VWA7: variants seen among roughly 807,000 people sequenced by gnomAD.
VWA7 encodes von Willebrand factor A domain-containing protein 7.
A neutral mutation model predicts 83.1 loss-of-function variants in VWA7; 66 were observed. The ratio of observed to expected loss-of-function variants is 0.79; its 90% confidence interval spans 0.65 to 0.98. The LOEUF is 0.98. Among genes scored for constraint, VWA7 ranks in the 50% least tolerant of loss-of-function variants. The probability of loss-of-function intolerance (pLI) is 0.00; values close to 1 mark genes in which losing one functional copy is unlikely to be tolerated. For synonymous variants in VWA7, 424 were observed against 488.5 expected (o/e 0.87, Z 1.74); for missense variants, 1,080 against 1,160.2 (o/e 0.93, Z 1.00).
intron 10 of VWA7, 97 bp downstream of exon 10, chr6:31,768,921 A>G (rs1811894515): frequency 7.6e-7 from 1 of 1,317,924 alleles, no homozygotes; most frequent in African/African-American, 1.5e-5. Flanking sequence ...TGGAAGAACA[A>G]CACAGCAGTG....
At chr6:31,771,377 G>A (rs1239882798) in intron 7 of VWA7, 5 of 152,316 alleles carry the variant, frequency 3.3e-5, no homozygotes, top group Non-Finnish European at 7.3e-5. Flanking sequence ...CATATCCCCT[G>A]TGACTGGCAC....
At position 31,773,897 on chromosome 6, in the gene VWA7, G is replaced by C. The variant is rs1812443315; in HGVS notation, c.722-460C>G. On this transcript the variant is annotated intron_variant, in intron 5 of 16. Coordinates refer to ENST00000375688, the MANE Select transcript of VWA7 (RefSeq NM_025258.3). This position sits in a 1 kb window ranked among gnomAD's most constrained non-coding sequence, Gnocchi z 5.3. ...TGGCTGGGCACGGTGGCTCACACCAGTAATCCCAGCATTTTGGGAGGCTGA... is the reference window on the plus strand; with the variant it reads ...TGGCTGGGCACGGTGGCTCACACCACTAATCCCAGCATTTTGGGAGGCTGA... Among the ~76,000 whole-genome samples, 1 of 152,068 alleles carries C rather than the reference G, an allele frequency of 6.6e-6. No homozygotes were observed. The highest frequency in any genetic ancestry group is 1.5e-5 in the Non-Finnish European group (1 of 67,988).
At position 31,769,954 on chromosome 6, in the gene VWA7, C is replaced by T. The variant is rs1451502833; in HGVS notation, c.1200+47G>A. On this transcript the variant is annotated intron_variant, in intron 8 of 16. Transcript: ENST00000375688. The surrounding 1 kb of genome is among the most constrained non-coding windows in gnomAD (Gnocchi z 4.5). ...GGGAGCCCCAGGAGGGATCTAGCTC[C>T]CCCTGGTGGTGGGGCCAGGAAACGG... 1 of 1,585,628 alleles carries T rather than the reference C, an allele frequency of 6.3e-7. No homozygotes were observed. The highest frequency in any genetic ancestry group is 8.6e-7 in the Non-Finnish European group (1 of 1,156,088).
Position 31,775,934 on chromosome 6 carries a change from C to G in VWA7, c.513+30G>C. 1 of 1,585,108 alleles carries G rather than the reference C, an allele frequency of 6.3e-7. No homozygotes were observed. The highest frequency in any genetic ancestry group is 8.6e-7 in the Non-Finnish European group (1 of 1,164,462). ...CGGACAGGCACGGAAGTGAAGACCC[C>G]TCTGACCATCAACCCAACCCTGTTC... is the stretch of plus-strand genomic sequence containing the variant. On this transcript the variant is annotated intron_variant, in intron 3 of 16. Transcript: ENST00000375688. This position sits in a 1 kb window ranked among gnomAD's most constrained non-coding sequence, Gnocchi z 5.9.
At position 31,768,502 on chromosome 6, in the gene VWA7, G is replaced by A. The variant is rs550912181; in HGVS notation, c.1503+516C>T. 1.9e-3 allele frequency among the ~76,000 whole-genome samples: 292 copies of A among 152,008 alleles called. 1 individual carries two copies. Among genetic ancestry groups the A allele is most frequent in the Admixed American group, 3.9e-3 (60 of 15,264 alleles). On this transcript the variant is annotated intron_variant, in intron 10 of 16. Coordinates refer to ENST00000375688, the MANE Select transcript of VWA7 (RefSeq NM_025258.3). ...AGGACTTCCTGTGGTAACCCTGGAG[G>A]CAGAATACTGGAAGCCAAGTGGGGA...
At chr6:31,771,541 C>G (rs1389312905) in intron 7 of VWA7, 1 of 152,202 alleles carries the variant, frequency 6.6e-6, no homozygotes, top group East Asian at 1.9e-4. Context: ...GTTTACATGA[C>G]CAGCCTAAAG....
At position 31,776,815 on chromosome 6, in the gene VWA7, A is replaced by G; in HGVS notation, c.-15-21T>C. On this transcript the variant is annotated intron_variant, in intron 1 of 16. Transcript: ENST00000375688. The surrounding 1 kb of genome is among the most constrained non-coding windows in gnomAD (Gnocchi z 6.2). ...TGGACCTGGGAGACAGAAGGCTCTC[A>G]AGGGAGGAGGAAGCAGCCGCGATTC... 1 of 1,299,772 alleles carries G rather than the reference A, an allele frequency of 7.7e-7. No homozygotes were observed. Among genetic ancestry groups the G allele is most frequent in the East Asian group, 2.9e-5 (1 of 34,338 alleles). The allele number at this position is 1,299,772 out of a possible 1,614,324, so 80.5% of individuals were successfully genotyped here. A position where few individuals can be genotyped will look rare whatever the true frequency, so the allele number is the denominator to read the frequency against.
intron 13 of VWA7, 129 bp downstream of exon 13, chr6:31,767,029 A>T (rs1286655289): frequency 4.3e-6 from 2 of 463,078 alleles, no homozygotes; most frequent in Admixed American, 4.0e-5. Context: ...TATAAAAGTT[A>T]TGCATATGCA....
chr6:31,770,503 C>T (rs1308752465), intron 7 of VWA7, among the ~76,000 whole-genome samples: 4 of 143,358 alleles, frequency 2.8e-5, no homozygotes, highest in South Asian at 2.2e-4. Flanking sequence ...CACTTGAACC[C>T]GGGAGGCAGA....
At position 31,769,001 on chromosome 6, in the gene VWA7, C is replaced by T. The variant is rs1811903287; in HGVS notation, c.1503+17G>A. ...CCACCCTTCAGTTCCTAAGTGAGGG[C>T]CCTGGCCCCCACTTACCAGGGCAGC... is the stretch of plus-strand genomic sequence containing the variant. On this transcript the variant is annotated intron_variant, in intron 10 of 16. Coordinates refer to ENST00000375688, the MANE Select transcript of VWA7 (RefSeq NM_025258.3). This position sits in a 1 kb window ranked among gnomAD's most constrained non-coding sequence, Gnocchi z 4.5. 1 of 1,600,584 alleles carries T rather than the reference C, an allele frequency of 6.2e-7. No individual in the cohort carries two copies. Among genetic ancestry groups the T allele is most frequent in the Admixed American group, 1.7e-5 (1 of 57,730 alleles).
chr6:31,766,553 G>T lies in VWA7; in HGVS notation c.2094C>A (p.Phe698Leu). The T allele has an allele frequency of 6.2e-7, 1 of 1,612,882 alleles. No individual in the cohort carries two copies. The change falls in exon 14 of 17, where the codon TTC (phenylalanine) becomes TTA (leucine). Residue 698 changes from phenylalanine to leucine, a missense_variant. Physicochemically the swap from Phe to Leu is conservative, Grantham distance 22 (BLOSUM62 0). Coordinates refer to ENST00000375688, the MANE Select transcript of VWA7 (RefSeq NM_025258.3). The surrounding 1 kb of genome is among the most constrained non-coding windows in gnomAD (Gnocchi z 4.9). ...CGTCCTGGCCAATCAGCTCCAGGGA[G>T]AAGGGTCTAGGGGTGGACAGCAGCG... ...SPTLLSTPRP[F>L]SLELIGQDAA...
intron 5 of VWA7, 109 bp downstream of exon 5, chr6:31,774,407 T>G (rs1354001178): frequency 9.5e-7 from 1 of 1,055,134 alleles, no homozygotes; most frequent in Admixed American, 2.4e-5. Flanking sequence ...CAGCATCCTC[T>G]CCTCCTAGGA....
At chr6:31,768,139 CAAAAAAAAAAAAA>C (rs9279412) in intron 10 of VWA7, among the ~76,000 whole-genome samples, 1 of 77,106 alleles carries the variant, frequency 1.3e-5, no homozygotes, top group Admixed American at 1.7e-4. Flanking sequence ...GACTCTGTCT[CAAAAAAAAAAAAA>C]AAAAAAAAAA....
chr6:31,769,121 G>A lies in VWA7; in HGVS notation c.1400C>T (p.Pro467Leu), dbSNP rs778913921. 2 of 1,612,986 alleles carry A rather than the reference G, an allele frequency of 1.2e-6. No homozygotes were observed. Among genetic ancestry groups the A allele is most frequent in the African/African-American group, 2.7e-5 (2 of 74,928 alleles). The part of the protein sequence containing the change: ...REILSPLRFE[P>L]YKAVALASGG... ...TGAGGCCAGGGCCACTGCTTTGTAT[G>A]GCTCAAAACGCAGAGGGGACAAGAT... Residue 467 changes from proline (P) to leucine (L), a missense_variant, in exon 10 of 17, where the codon CCA becomes CTA. Physicochemically the swap from Pro to Leu is moderately conservative, Grantham distance 98 (BLOSUM62 -3). Coordinates refer to ENST00000375688, the MANE Select transcript of VWA7 (RefSeq NM_025258.3). This position sits in a 1 kb window ranked among gnomAD's most constrained non-coding sequence, Gnocchi z 4.5.
At chr6:31,770,339 A>G (rs1812054168) in intron 7 of VWA7, among the ~76,000 whole-genome samples, 1 of 151,848 alleles carries the variant, frequency 6.6e-6, no homozygotes, top group Non-Finnish European at 1.5e-5. Context: ...CAAGAGATCA[A>G]AACCATCCTG....
Position 31,765,629 on chromosome 6 carries a change from C to T in VWA7, c.2641G>A (p.Gly881Arg), listed in dbSNP as rs745519535. 3.4e-5 allele frequency: 54 copies of T among 1,611,178 alleles called. No individual in the cohort carries two copies. Among genetic ancestry groups the T allele is most frequent in the Non-Finnish European group, 4.5e-5 (53 of 1,179,386 alleles). The part of the protein sequence containing the change: ...AGSPWWGTVG[G>R]VLLLLGLASW Reference sequence around the variant, plus strand: ...GCCAGGCCTAGCAGAAGCAGCACCCCTCCAACTGTGCCCCACCAGGGGCTG... The same window carrying T: ...GCCAGGCCTAGCAGAAGCAGCACCCTTCCAACTGTGCCCCACCAGGGGCTG... Residue 881 changes from glycine (G) to arginine (R), a missense_variant, in exon 17 of 17, where the codon GGG becomes AGG. Coordinates refer to ENST00000375688, the MANE Select transcript of VWA7 (RefSeq NM_025258.3).
rs1388773421 is a variant in VWA7, at chr6:31,776,885, C to T, written c.-15-91G>A. On this transcript the variant is annotated intron_variant, in intron 1 of 16. Transcript: ENST00000375688. This position sits in a 1 kb window ranked among gnomAD's most constrained non-coding sequence, Gnocchi z 6.2. ...GGGTCTCCATGGGAACCTGCTTTAC[C>T]TCAAAAGTCGTGTCTGCTCCAGCCT... 2.8e-6 allele frequency: 2 copies of T among 720,810 alleles called. No homozygotes were observed. Among genetic ancestry groups the T allele is most frequent in the South Asian group, 5.3e-5 (2 of 37,678 alleles). 44.7% of individuals were successfully genotyped at this position (720,810 alleles called of 1,614,324 possible).
At chr6:31,765,806 A>G in intron 16 of VWA7, 36 bp from the exon 17 acceptor site, 1 of 1,592,464 alleles carries the variant, frequency 6.3e-7, no homozygotes, top group Non-Finnish European at 8.6e-7. Context: ...AGGGTGTGCT[A>G]GAGCTGTACT....
chr6:31,774,494 G>A, intron 5 of VWA7, 22 bp downstream of exon 5: 1 of 1,606,394 alleles, frequency 6.2e-7, no homozygotes, highest in Non-Finnish European at 8.5e-7. Context: ...CCTTACTTCT[G>A]GGGAACTTTC....
Sources: gnomAD v4.1 joint callset for allele counts (sites outside exome capture counted in the v4.1 genomes callset) on GRCh38, gnomAD v4.1.1 for gene constraint, Gnocchi (gnomAD v3.1) non-coding constraint, MANE v1.5 for transcripts, NCBI Gene and HGNC (gene_info 2026-07-23, HGNC 2026-07-21) for gene names.